STX2: variants seen among roughly 807,000 people sequenced by gnomAD.
The protein encoded by STX2 is syntaxin 2.
A neutral mutation model predicts 40.6 loss-of-function variants in STX2; 27 were observed. The ratio of observed to expected loss-of-function variants is 0.66; its 90% CI spans 0.49 to 0.92. The LOEUF (loss-of-function observed/expected upper bound fraction) is 0.92. STX2 is among the 40% of genes least tolerant of loss of function. The probability of loss-of-function intolerance (pLI) is 0.00; values close to 1 mark genes in which losing one functional copy is unlikely to be tolerated. For synonymous variants in STX2, 123 were observed against 119.1 expected (o/e 1.03, Z -0.22); for missense variants, 328 against 366.1 (o/e 0.90, Z 0.85).
At chr12:130,813,582 C>T (rs755459189) in intron 3 of STX2, among the ~76,000 whole-genome samples, 5 of 152,100 alleles carry the variant, frequency 3.3e-5, no homozygotes, top group African/African-American at 1.2e-4. Context: ...AAGCAGGGGG[C>T]GATGGAGGCA....
chr12:130,808,858 C>T (rs1298636263), intron 4 of STX2, among the ~76,000 whole-genome samples, 154 bp from the exon 5 acceptor site: 2 of 152,208 alleles, frequency 1.3e-5, no homozygotes, highest in Non-Finnish European at 2.9e-5. Context: ...ACTAAAAAGA[C>T]AATCCCTCAA....
chr12:130,832,128 T>C (rs1952587482), intron 1 of STX2, among the ~76,000 whole-genome samples: 2 of 152,114 alleles, frequency 1.3e-5, no homozygotes, highest in African/African-American at 4.8e-5. Flanking sequence ...ATTACAGGCA[T>C]GAGCGACTAC....
intron 6 of STX2, 108 bp from the exon 7 acceptor site, chr12:130,801,596 A>T: frequency 8.1e-7 from 1 of 1,239,034 alleles, no homozygotes; most frequent in Non-Finnish European, 1.1e-6. Context: ...AGCATTTTTC[A>T]GTAATTTTTT....
Position 130,830,816 on chromosome 12 carries a change from T to C in STX2, c.31-3549A>G, listed in dbSNP as rs1007217116. ...TAGTGCAACAGCTGTACAACAGCCA[T>C]GATTATGAGAGGGTATTTATTGTAA... On this transcript the variant is annotated intron_variant, in intron 1 of 10. Coordinates refer to ENST00000392373, the MANE Select transcript of STX2 (RefSeq NM_194356.4). 2.0e-5 allele frequency among the ~76,000 whole-genome samples: 3 copies of C among 152,208 alleles called. No individual in the cohort carries two copies. The East Asian group carries it at 5.8e-4, about 29-fold the overall frequency.
Position 130,796,000 on chromosome 12 carries a change from C to A in STX2, c.*40G>T. The stretch of plus-strand genomic sequence containing the variant: ...TTAGTTGATGAGTTACTTACTCCCA[C>A]CCTGGCAGAGAGGCATGCACACTGA... On this transcript the variant is annotated 3_prime_UTR_variant, in exon 10 of 11. Coordinates refer to ENST00000392373, the MANE Select transcript of STX2 (RefSeq NM_194356.4). The A allele has an allele frequency of 6.2e-7, 1 of 1,607,550 alleles. No individual in the cohort carries two copies. The highest frequency in any genetic ancestry group is 8.5e-7 in the Non-Finnish European group (1 of 1,177,628).
At chr12:130,807,803 G>T (rs1951497863) in intron 5 of STX2, among the ~76,000 whole-genome samples, 2 of 152,140 alleles carry the variant, frequency 1.3e-5, no homozygotes, top group Non-Finnish European at 2.9e-5. Flanking sequence ...AAAATCGCAG[G>T]ACCTCACACT....
intron 10 of STX2, among the ~76,000 whole-genome samples, chr12:130,792,872 T>C (rs1361654791): frequency 6.6e-6 from 1 of 152,210 alleles, no homozygotes; most frequent in Non-Finnish European, 1.5e-5. Context: ...CGACACAGCA[T>C]TTAACTTTTT....
intron 6 of STX2, among the ~76,000 whole-genome samples, chr12:130,805,893 AC>A (rs1353965900): frequency 1.3e-5 from 2 of 152,200 alleles, no homozygotes; most frequent in Non-Finnish European, 2.9e-5. Flanking sequence ...AAGGAAATCA[AC>A]CAACCAGAGC....
intron 3 of STX2, among the ~76,000 whole-genome samples, chr12:130,819,535 G>A (rs1291135011): frequency 6.6e-6 from 1 of 152,138 alleles, no homozygotes; most frequent in Non-Finnish European, 1.5e-5. Flanking sequence ...GAGCCCAAAA[G>A]GGACTATCAT....
chr12:130,831,569 C>T lies in STX2; in HGVS notation c.31-4302G>A, dbSNP rs112659671. On this transcript the variant is annotated intron_variant, in intron 1 of 10. Coordinates refer to ENST00000392373, the MANE Select transcript of STX2 (RefSeq NM_194356.4). The stretch of plus-strand genomic sequence containing the variant: ...TGTGAGGATCCCTTGAGCCAGGAGA[C>T]TGAGGCTGTAGTGAGCAGTGATGGT... 4.4e-3 allele frequency among the ~76,000 whole-genome samples: 669 copies of T among 152,190 alleles called. 10 individuals are homozygous for T. The highest frequency in any genetic ancestry group is 0.016 in the African/African-American group (646 of 41,546).
intron 2 of STX2, among the ~76,000 whole-genome samples, chr12:130,822,500 T>C (rs1455669088): frequency 2.0e-5 from 3 of 152,206 alleles, no homozygotes; most frequent in African/African-American, 7.2e-5. Context: ...TCATAATTAT[T>C]ATCTTTGACC....
intron 9 of STX2, among the ~76,000 whole-genome samples, chr12:130,798,193 G>A (rs945495539): frequency 1.4e-5 from 2 of 147,848 alleles, no homozygotes; most frequent in Non-Finnish European, 3.0e-5. Flanking sequence ...GTTGCAGTGA[G>A]CCAAGATCAC....
chr12:130,831,328 A>T (rs1181123563), intron 1 of STX2, among the ~76,000 whole-genome samples: 1 of 152,232 alleles, frequency 6.6e-6, no homozygotes, highest in African/African-American at 2.4e-5. Flanking sequence ...TTCACAATTA[A>T]ATCACTTGGG....
At chr12:130,834,292 G>A (rs969392448) in intron 1 of STX2, among the ~76,000 whole-genome samples, 5 of 149,578 alleles carry the variant, frequency 3.3e-5, no homozygotes, top group Non-Finnish European at 7.4e-5. Flanking sequence ...TAGAGGCGGA[G>A]GATGCAGTGA....
At chr12:130,818,731 C>CG (rs1951993000) in intron 3 of STX2, among the ~76,000 whole-genome samples, 3 of 152,306 alleles carry the variant, frequency 2.0e-5, no homozygotes, top group Middle Eastern at 6.8e-3. Flanking sequence ...CAGGGAACGG[C>CG]TGAGGGAACA....
At chr12:130,830,937 C>T (rs1224417213) in intron 1 of STX2, among the ~76,000 whole-genome samples, 1 of 152,206 alleles carries the variant, frequency 6.6e-6, no homozygotes, top group African/African-American at 2.4e-5. Flanking sequence ...ACAGGATAAA[C>T]ATTTAAATAT....
At chr12:130,794,213 A>G (rs778199000) in intron 10 of STX2, among the ~76,000 whole-genome samples, 1 of 152,256 alleles carries the variant, frequency 6.6e-6, no homozygotes. Flanking sequence ...TACTACTATA[A>G]CAATGAAGAA....
chr12:130,812,864 TA>T, intron 4 of STX2, 92 bp downstream of exon 4: 1 of 895,496 alleles, frequency 1.1e-6, no homozygotes, highest in Non-Finnish European at 1.7e-6. Context: ...TTTTAATTTT[TA>T]AAAATGTAAA....
intron 1 of STX2, among the ~76,000 whole-genome samples, chr12:130,827,605 A>G (rs1387088796): frequency 6.6e-6 from 1 of 152,266 alleles, no homozygotes; most frequent in Admixed American, 6.5e-5. Context: ...CTGGTGTTGC[A>G]TATTTTCCAT....
Sources: gnomAD v4.1 joint callset for allele counts (sites outside exome capture counted in the v4.1 genomes callset) on GRCh38, gnomAD v4.1.1 for gene constraint, MANE v1.5 for transcripts, NCBI Gene and HGNC (gene_info 2026-07-23, HGNC 2026-07-21) for gene names.